TENM4: variants seen among roughly 807,000 people sequenced by gnomAD.
TENM4 encodes teneurin-4.
TENM4 carries 82 observed loss-of-function variants against 243.3 expected under a neutral mutation model. That is an observed-to-expected ratio of 0.34 (90% confidence interval 0.28 to 0.40). The LOEUF (loss-of-function observed/expected upper bound fraction) is 0.40. Ranked by LOEUF, TENM4 falls within the 10% of genes least tolerant of loss-of-function variation. TENM4 has a pLI of 1.00. For missense variants in TENM4, 3,138 were observed against 3,673.3 expected, an observed-to-expected ratio of 0.85 and a Z score of 3.77; for synonymous variants, 1,412 against 1,456.3, an observed-to-expected ratio of 0.97 and a Z score of 0.69.
intron 1 of TENM4, among the ~76,000 whole-genome samples, chr11:79,398,562 A>G (rs899792525): frequency 2.6e-5 from 4 of 152,110 alleles, no homozygotes; most frequent in African/African-American, 9.7e-5. Flanking sequence ...ACTTGTAATC[A>G]GAAACTGCTG....
intron 1 of TENM4, among the ~76,000 whole-genome samples, chr11:79,339,363 G>A (rs1301800031): frequency 6.6e-6 from 1 of 152,198 alleles, no homozygotes; most frequent in Admixed American, 6.5e-5. Flanking sequence ...AATAGGTCAG[G>A]AAAGTCCTGG....
intron 1 of TENM4, among the ~76,000 whole-genome samples, chr11:79,375,173 C>T (rs1857867626): frequency 6.6e-6 from 1 of 152,174 alleles, no homozygotes; most frequent in Non-Finnish European, 1.5e-5. Flanking sequence ...CCAATTCATT[C>T]CTAGTGAGCC....
intron 2 of TENM4, among the ~76,000 whole-genome samples, chr11:79,224,428 T>G (rs1328981048): frequency 1.3e-5 from 2 of 152,076 alleles, no homozygotes; most frequent in African/African-American, 4.8e-5. Flanking sequence ...GAAGGAAGAA[T>G]GTAGTATCTA....
chr11:79,210,864 T>C (rs1233980756), intron 3 of TENM4, among the ~76,000 whole-genome samples: 1 of 152,246 alleles, frequency 6.6e-6, no homozygotes, highest in Admixed American at 6.5e-5. Context: ...ATCTGCCTAT[T>C]GGTGACCATA....
chr11:79,239,515 A>G (rs1444503978), intron 2 of TENM4, among the ~76,000 whole-genome samples: 1 of 152,088 alleles, frequency 6.6e-6, no homozygotes, highest in African/African-American at 2.4e-5. Context: ...GATGGCAGAG[A>G]CCTGGATGCA....
intron 1 of TENM4, among the ~76,000 whole-genome samples, chr11:79,407,627 A>T (rs1858600337): frequency 6.6e-6 from 1 of 152,246 alleles, no homozygotes; most frequent in South Asian, 2.1e-4. Context: ...TGTAAAAGAC[A>T]TGCTTTCTAG....
At chr11:79,305,876 G>A (rs906705172) in intron 1 of TENM4, among the ~76,000 whole-genome samples, 1 of 152,214 alleles carries the variant, frequency 6.6e-6, no homozygotes, top group African/African-American at 2.4e-5. Flanking sequence ...ACCCTTGCCA[G>A]CAACTTCTAG....
intron 6 of TENM4, among the ~76,000 whole-genome samples, chr11:79,028,284 A>AT (rs1176709954): frequency 6.6e-6 from 1 of 152,218 alleles, no homozygotes; most frequent in African/African-American, 2.4e-5. Context: ...CCACTGTTTA[A>AT]TGCTGCTCAA....
chr11:79,303,818 A>G (rs931990792), intron 1 of TENM4, among the ~76,000 whole-genome samples: 1 of 152,180 alleles, frequency 6.6e-6, no homozygotes, highest in Non-Finnish European at 1.5e-5. Flanking sequence ...TGGCTGGCCT[A>G]CTCAAATAGG....
intron 1 of TENM4, among the ~76,000 whole-genome samples, chr11:79,349,466 T>A (rs909106820): frequency 6.6e-6 from 1 of 152,224 alleles, no homozygotes; most frequent in Non-Finnish European, 1.5e-5. Context: ...TTCTACATAT[T>A]GTTGAGTCCC....
intron 16 of TENM4, among the ~76,000 whole-genome samples, chr11:78,780,993 G>A (rs1483985477): frequency 6.6e-6 from 1 of 152,150 alleles, no homozygotes; most frequent in Non-Finnish European, 1.5e-5. Context: ...CCAAAAGCTG[G>A]TAACAGCCAG....
chr11:78,688,010 C>A, intron 29 of TENM4, 44 bp downstream of exon 29: 1 of 1,600,028 alleles, frequency 6.2e-7, no homozygotes, highest in East Asian at 2.2e-5. Context: ...AAGGGGTCTT[C>A]CCACCCCTCT....
intron 4 of TENM4, among the ~76,000 whole-genome samples, chr11:79,134,788 C>T (rs977247603): frequency 6.6e-6 from 1 of 152,052 alleles, no homozygotes; most frequent in Non-Finnish European, 1.5e-5. Context: ...AATTGGCTAG[C>T]GACATGTAGG....
chr11:79,168,844 C>T (rs1353227513), intron 3 of TENM4, among the ~76,000 whole-genome samples: 1 of 152,176 alleles, frequency 6.6e-6, no homozygotes, highest in Admixed American at 6.5e-5. Flanking sequence ...TTCAAGAAAC[C>T]TTGCTCATCC....
At chr11:79,008,480 C>T (rs1029146100) in intron 6 of TENM4, among the ~76,000 whole-genome samples, 1 of 152,180 alleles carries the variant, frequency 6.6e-6, no homozygotes, top group African/African-American at 2.4e-5. Context: ...GTTATATATA[C>T]ACATATTTTT....
intron 1 of TENM4, among the ~76,000 whole-genome samples, chr11:79,421,129 A>T (rs992013193): frequency 2.0e-5 from 3 of 152,206 alleles, no homozygotes; most frequent in African/African-American, 7.2e-5. Flanking sequence ...AAGTAGAGGC[A>T]TTCGAAAGCA....
intron 6 of TENM4, among the ~76,000 whole-genome samples, chr11:78,957,924 A>T (rs935016706): frequency 1.3e-5 from 2 of 152,220 alleles, no homozygotes; most frequent in African/African-American, 2.4e-5. Flanking sequence ...ACTCCTACTA[A>T]GGAGAAGACA....
At chr11:79,027,201 A>T (rs1380377582) in intron 6 of TENM4, among the ~76,000 whole-genome samples, 2 of 152,228 alleles carry the variant, frequency 1.3e-5, no homozygotes, top group Non-Finnish European at 2.9e-5. Flanking sequence ...TGCTTCTAAC[A>T]GTAGGTTTGT....
intron 1 of TENM4, among the ~76,000 whole-genome samples, chr11:79,378,602 G>C (rs181250233): frequency 6.6e-6 from 1 of 152,174 alleles, no homozygotes; most frequent in South Asian, 2.1e-4. Context: ...GAAGGGGCAG[G>C]TGCAGGCTCC....
Sources: gnomAD v4.1 joint callset for allele counts (sites outside exome capture counted in the v4.1 genomes callset) on GRCh38, gnomAD v4.1.1 for gene constraint, MANE v1.5 for transcripts, NCBI Gene and HGNC (gene_info 2026-07-23, HGNC 2026-07-21) for gene names.